The following LRP1B variants were observed in gnomAD, a reference collection of about 807,000 sequenced individuals.
LRP1B encodes the protein LDL receptor related protein 1B, also known as low-density lipoprotein receptor-related protein 1B.
In LRP1B, 217 loss-of-function variants were observed where a neutral mutation model predicts 556.6. The observed-to-expected ratio is 0.39, with a 90% CI of 0.35 to 0.44. The LOEUF is 0.44. Among genes scored for constraint, LRP1B ranks in the 20% least tolerant of loss-of-function variants. The pLI, the probability that LRP1B is intolerant of heterozygous loss-of-function variation, is 1.00. For missense variants in LRP1B, 5,053 were observed against 5,620.8 expected (o/e 0.90, Z 3.23); for synonymous variants, 2,047 against 1,865.8 (o/e 1.10, Z -2.50).
chr2:140,495,405 T>C (rs1234736974), intron 56 of LRP1B, among the ~76,000 whole-genome samples, 160 bp downstream of exon 56: 1 of 150,794 alleles, frequency 6.6e-6, no homozygotes, highest in Non-Finnish European at 1.5e-5. Context: ...GAACAGAGCA[T>C]ACAAAATCAG....
intron 41 of LRP1B, among the ~76,000 whole-genome samples, chr2:140,633,624 T>C (rs988558306): frequency 6.6e-6 from 1 of 152,124 alleles, no homozygotes; most frequent in African/African-American, 2.4e-5. Flanking sequence ...TTACTTGATA[T>C]TAGAAATCAA....
At chr2:141,177,504 C>A (rs1416773498) in intron 7 of LRP1B, among the ~76,000 whole-genome samples, 1 of 152,050 alleles carries the variant, frequency 6.6e-6, no homozygotes, top group Non-Finnish European at 1.5e-5. Context: ...TAAATAATAT[C>A]ATTTGCAATA....
At chr2:140,467,575 T>G (rs1687597531) in intron 60 of LRP1B, among the ~76,000 whole-genome samples, 1 of 142,102 alleles carries the variant, frequency 7.0e-6, no homozygotes, top group African/African-American at 2.6e-5. Flanking sequence ...ATCAAGCCAC[T>G]GCACTCCTGC....
chr2:141,832,654 T>C, intron 1 of LRP1B, among the ~76,000 whole-genome samples: 1 of 151,810 alleles, frequency 6.6e-6, no homozygotes, highest in Non-Finnish European at 1.5e-5. Flanking sequence ...ATCCTCAGTC[T>C]AATTTTCAAA....
At chr2:141,682,020 T>C (rs1232674194) in intron 2 of LRP1B, among the ~76,000 whole-genome samples, 1 of 152,148 alleles carries the variant, frequency 6.6e-6, no homozygotes, top group Non-Finnish European at 1.5e-5. Context: ...TGTTGCTTTT[T>C]TTCAGGTTCA....
At chr2:141,073,083 C>T (rs1044666341) in intron 7 of LRP1B, among the ~76,000 whole-genome samples, 1 of 152,030 alleles carries the variant, frequency 6.6e-6, no homozygotes, top group Non-Finnish European at 1.5e-5. Context: ...TAAAAATTTT[C>T]TCTTAACCTT....
chr2:141,241,131 A>G (rs1395783394), intron 5 of LRP1B, among the ~76,000 whole-genome samples: 7 of 152,140 alleles, frequency 4.6e-5, no homozygotes, highest in Admixed American at 3.9e-4. Context: ...AGTGTGTTGT[A>G]TCATTTGGAT....
chr2:142,003,695 C>T (rs918054499), intron 1 of LRP1B, among the ~76,000 whole-genome samples: 7 of 152,312 alleles, frequency 4.6e-5, no homozygotes, highest in African/African-American at 1.4e-4. Flanking sequence ...GATGTACAAA[C>T]TAACCCCAAA....
At chr2:140,777,786 C>A (rs1441668637) in intron 32 of LRP1B, among the ~76,000 whole-genome samples, 1 of 151,786 alleles carries the variant, frequency 6.6e-6, no homozygotes, top group Non-Finnish European at 1.5e-5. Context: ...TGAACAATTA[C>A]AAAAGAAGAG....
chr2:141,423,593 A>G (rs1680235262), intron 3 of LRP1B, among the ~76,000 whole-genome samples: 1 of 152,118 alleles, frequency 6.6e-6, no homozygotes, highest in African/African-American at 2.4e-5. Flanking sequence ...ATAACTAAGC[A>G]GCTATTGAAT....
At chr2:140,836,587 C>A (rs573461896) in intron 31 of LRP1B, among the ~76,000 whole-genome samples, 26 of 152,174 alleles carry the variant, frequency 1.7e-4, no homozygotes, top group African/African-American at 6.3e-4. Flanking sequence ...TAGTGATCTA[C>A]GAACATTGCT....
chr2:140,658,584 C>T (rs1301675604), intron 41 of LRP1B, among the ~76,000 whole-genome samples: 4 of 151,750 alleles, frequency 2.6e-5, no homozygotes, highest in African/African-American at 9.7e-5. Flanking sequence ...TTAATTTATC[C>T]AATTTTTTTC....
rs1430214115 is a variant in LRP1B, at chr2:142,115,646, T to C, written c.82+15002A>G. On this transcript the variant is annotated intron_variant, in intron 1 of 90. Transcript: ENST00000389484. ...TAATATATATATTATATATGTAATA[T>C]ATATATTATATGTAATATATATATG... 1.3e-4 allele frequency among the ~76,000 whole-genome samples: 2 copies of C among 15,802 alleles called. 1 individual carries two copies. The highest frequency in any genetic ancestry group is 3.1e-4 in the African/African-American group (2 of 6,426). The allele number at this position is 15,802 out of a possible 152,430, so 10.4% of individuals were successfully genotyped here.
intron 77 of LRP1B, among the ~76,000 whole-genome samples, chr2:140,339,798 G>A (rs1001519202): frequency 2.0e-5 from 3 of 151,262 alleles, no homozygotes; most frequent in Non-Finnish European, 4.4e-5. Context: ...AATCCTAAGT[G>A]AACTAAGAAA....
At chr2:142,017,364 A>G (rs1703181199) in intron 1 of LRP1B, among the ~76,000 whole-genome samples, 1 of 152,186 alleles carries the variant, frequency 6.6e-6, no homozygotes, top group Non-Finnish European at 1.5e-5. Context: ...GAATGTATTT[A>G]CGTAATATAT....
chr2:141,918,715 A>G lies in LRP1B; in HGVS notation c.83-108314T>C, dbSNP rs188858842. Among the ~76,000 whole-genome samples, 246 of 152,286 alleles carry G rather than the reference A, an allele frequency of 1.6e-3. 1 individual carries two copies. Among genetic ancestry groups the G allele is most frequent in the African/African-American group, 5.7e-3 (235 of 41,580 alleles). ...CTCCTAATAAAAGGGAAAGACATGT[A>G]TTAGGAATATAGAAAATAGCCAGGA... On this transcript the variant is annotated intron_variant, in intron 1 of 90. Coordinates refer to ENST00000389484, the MANE Select transcript of LRP1B (RefSeq NM_018557.3).
chr2:140,968,503 G>GGT (rs1696305633), intron 18 of LRP1B, among the ~76,000 whole-genome samples: 1 of 97,670 alleles, frequency 1.0e-5, no homozygotes, highest in Non-Finnish European at 2.6e-5. Context: ...ATTTTTTGCA[G>GGT]TTTTTTTTTT....
chr2:140,798,838 G>A (rs1416667985), intron 32 of LRP1B, among the ~76,000 whole-genome samples: 8 of 152,128 alleles, frequency 5.3e-5, no homozygotes, highest in African/African-American at 1.9e-4. Flanking sequence ...TCTGGCTTTG[G>A]AAATAGACAG....
intron 2 of LRP1B, among the ~76,000 whole-genome samples, chr2:141,598,835 T>A (rs1424414492): frequency 1.3e-5 from 2 of 151,948 alleles, no homozygotes; most frequent in African/African-American, 4.8e-5. Flanking sequence ...TGACACAATT[T>A]CTTTTAAGTA....
Sources: gnomAD v4.1 joint callset for allele counts (sites outside exome capture counted in the v4.1 genomes callset) on GRCh38, gnomAD v4.1.1 for gene constraint, MANE v1.5 for transcripts, NCBI Gene and HGNC (gene_info 2026-07-23, HGNC 2026-07-21) for gene names.